The following ZNF385D variants were observed in gnomAD, a reference collection of about 807,000 sequenced individuals.
ZNF385D encodes the protein zinc finger protein 385D.
In ZNF385D, 15 loss-of-function variants were observed where a neutral mutation model predicts 35.8. The ratio of observed to expected loss-of-function variants is 0.42; its 90% CI spans 0.28 to 0.64. The LOEUF is 0.64. ZNF385D is among the 30% of genes least tolerant of loss of function. ZNF385D has a pLI of 0.23. For missense variants in ZNF385D, 474 were observed against 494.6 expected (o/e 0.96, Z 0.39); for synonymous variants, 212 against 186.8 (o/e 1.13, Z -1.10).
intron 2 of ZNF385D, among the ~76,000 whole-genome samples, chr3:22,169,338 A>G (rs1343050297): frequency 2.6e-5 from 4 of 152,182 alleles, no homozygotes; most frequent in Admixed American, 2.6e-4. Flanking sequence ...TAGCTGAGGA[A>G]ACTAAGTTTT....
At chr3:21,771,054 C>T (rs1451510256) in intron 3 of ZNF385D, among the ~76,000 whole-genome samples, 1 of 138,194 alleles carries the variant, frequency 7.2e-6, no homozygotes, top group Non-Finnish European at 1.5e-5. Flanking sequence ...AACACTTGGA[C>T]ACAGGAAGGG....
chr3:21,590,642 A>C (rs906446783), intron 2 of ZNF385D, among the ~76,000 whole-genome samples: 3 of 152,094 alleles, frequency 2.0e-5, no homozygotes, highest in African/African-American at 7.2e-5. Flanking sequence ...ACAATTAACA[A>C]AGTGGAGGCA....
At chr3:22,166,477 G>A (rs1181589865) in intron 3 of ZNF385D, among the ~76,000 whole-genome samples, 2 of 152,148 alleles carry the variant, frequency 1.3e-5, no homozygotes, top group South Asian at 4.1e-4. Flanking sequence ...GGGTTTCATT[G>A]CAAGTTCAAC....
At chr3:22,272,034 T>C (rs1275717202) in intron 2 of ZNF385D, among the ~76,000 whole-genome samples, 1 of 152,032 alleles carries the variant, frequency 6.6e-6, no homozygotes, top group Non-Finnish European at 1.5e-5. Context: ...GTGCCGATAT[T>C]TTTGGATAAT....
rs1451218478 is a variant in ZNF385D at position 21,988,248 on chromosome 3, C to T, written c.325+180569G>A. ...CCTTTGGAGGAGGAGAGGCGCTCTG[C>T]GTTTTAGAGTTTCCAGTTTTTCTGT... is the stretch of plus-strand genomic sequence containing the variant. On this transcript the variant is annotated intron_variant, in intron 3 of 5. Transcript: ENST00000494108. 6.5e-5 allele frequency among the ~76,000 whole-genome samples: 8 copies of T among 123,516 alleles called. No individual in the cohort carries two copies. The East Asian group carries it at 9.3e-4, about 14-fold the overall frequency. 81.0% of individuals were successfully genotyped at this position (123,516 alleles called of 152,430 possible).
At chr3:21,963,901 T>A (rs1702735749) in intron 3 of ZNF385D, among the ~76,000 whole-genome samples, 1 of 152,152 alleles carries the variant, frequency 6.6e-6, no homozygotes, top group Admixed American at 6.6e-5. Context: ...AAGAACTAAC[T>A]CAGAGCAATT....
intron 3 of ZNF385D, among the ~76,000 whole-genome samples, chr3:21,842,930 ATCTAT>A (rs1695769405): frequency 6.6e-6 from 1 of 152,078 alleles, no homozygotes; most frequent in African/African-American, 2.4e-5. Flanking sequence ...ACTTCTGAAA[ATCTAT>A]TCTCTTTCAA....
chr3:21,979,165 T>C (rs970882268), intron 3 of ZNF385D, among the ~76,000 whole-genome samples: 2 of 152,080 alleles, frequency 1.3e-5, no homozygotes, highest in Admixed American at 1.3e-4. Flanking sequence ...TAGAATAGTC[T>C]GGGCTGGGTC....
At chr3:21,476,074 C>G (rs1158657123) in intron 4 of ZNF385D, among the ~76,000 whole-genome samples, 1 of 152,120 alleles carries the variant, frequency 6.6e-6, no homozygotes, top group Non-Finnish European at 1.5e-5. Flanking sequence ...GAACACAGCT[C>G]TGTAAACATT....
intron 2 of ZNF385D, among the ~76,000 whole-genome samples, chr3:22,319,263 A>G (rs1704066597): frequency 6.6e-6 from 1 of 152,132 alleles, no homozygotes; most frequent in Non-Finnish European, 1.5e-5. Context: ...CATTTGAAGT[A>G]TTAGTTAATT....
intron 2 of ZNF385D, among the ~76,000 whole-genome samples, chr3:22,253,568 T>A (rs911792709): frequency 1.3e-5 from 2 of 152,052 alleles, no homozygotes; most frequent in East Asian, 1.9e-4. Flanking sequence ...CATGTCACGT[T>A]CTCATGACAT....
intron 4 of ZNF385D, among the ~76,000 whole-genome samples, chr3:21,497,012 C>T (rs761356071): frequency 8.5e-5 from 13 of 152,168 alleles, no homozygotes; most frequent in African/African-American, 2.9e-4. Flanking sequence ...GCCTCTCTCA[C>T]GACTCCTATC....
rs548286884 is a variant in ZNF385D, at chr3:22,025,084, G to C, written c.325+143733C>G. Among the ~76,000 whole-genome samples, 20 of 152,302 alleles carry C rather than the reference G, an allele frequency of 1.3e-4. 1 individual carries two copies. The South Asian group carries it at 3.9e-3, about 30-fold the overall frequency. On this transcript the variant is annotated intron_variant, in intron 3 of 5. Transcript: ENST00000494108. ...ACCCTGCAACTTGGAATGGGGACAT[G>C]TGGGAGGACCCTGATGAAGCTGGGG...
At chr3:21,959,522 G>C (rs1240894597) in intron 3 of ZNF385D, among the ~76,000 whole-genome samples, 2 of 152,166 alleles carry the variant, frequency 1.3e-5, no homozygotes, top group Non-Finnish European at 2.9e-5. Context: ...GATATTTTCA[G>C]AGTGCTGGAA....
Position 22,309,200 on chromosome 3 carries a change from G to A in ZNF385D, c.106+63250C>T, listed in dbSNP as rs574713429. 3.7e-3 allele frequency among the ~76,000 whole-genome samples: 557 copies of A among 152,180 alleles called. 4 individuals carry two copies. The highest frequency in any genetic ancestry group is 0.011 in the African/African-American group (473 of 41,554). On this transcript the variant is annotated intron_variant, in intron 2 of 5. Transcript: ENST00000494108. ...AAAAAGTAAACTAAAATGTGAAAAGGAGGAAGATATTTGACCCCTTCTAAG... is the reference window on the plus strand; with the variant it reads ...AAAAAGTAAACTAAAATGTGAAAAGAAGGAAGATATTTGACCCCTTCTAAG...
chr3:21,762,635 A>G (rs1408142613), intron 3 of ZNF385D, among the ~76,000 whole-genome samples: 1 of 152,192 alleles, frequency 6.6e-6, no homozygotes, highest in Non-Finnish European at 1.5e-5. Context: ...ATGTCGGCCT[A>G]TAATACACTG....
chr3:21,514,482 C>T (rs1457590), intron 3 of ZNF385D, among the ~76,000 whole-genome samples: 96,479 of 151,842 alleles, frequency 0.64, 30,771 homozygotes, highest in African/African-American at 0.72. Context: ...TAAAAGTTTC[C>T]GCATACATAG....
intron 2 of ZNF385D, among the ~76,000 whole-genome samples, chr3:21,651,114 C>A (rs1386889642): frequency 1.6e-4 from 9 of 56,208 alleles, no homozygotes; most frequent in African/African-American, 6.7e-4. Context: ...CCCGTCTCTA[C>A]TAAAAATACA....
intron 3 of ZNF385D, among the ~76,000 whole-genome samples, chr3:22,048,511 C>T (rs139208577): frequency 7.6e-4 from 115 of 152,232 alleles, no homozygotes; most frequent in African/African-American, 2.5e-3. Flanking sequence ...TGTCCCTTCC[C>T]TGTTGTGTGT....
Sources: allele counts gnomAD v4.1 joint callset (sites outside exome capture counted in the v4.1 genomes callset), GRCh38; gene constraint gnomAD v4.1.1; transcripts MANE v1.5; gene names NCBI Gene and HGNC (gene_info 2026-07-23, HGNC 2026-07-21).